The following OTOF variants were observed in gnomAD, a reference collection of about 807,000 sequenced individuals.
OTOF encodes fer-1-like family member 2.
OTOF carries 218 observed loss-of-function variants against 236.8 expected under a neutral mutation model. That is an observed-to-expected ratio of 0.92 (90% CI 0.82 to 1.03). The LOEUF (loss-of-function observed/expected upper bound fraction) is 1.03, where lower values mean the gene tolerates loss of function less well. Ranked by LOEUF, OTOF falls within the 50% of genes least tolerant of loss-of-function variation. OTOF has a pLI of 0.00. For synonymous variants in OTOF, 1,041 were observed against 1,072.5 expected, an observed-to-expected ratio of 0.97 and a Z score of 0.57; for missense variants, 2,590 against 2,694.4, an observed-to-expected ratio of 0.96 and a Z score of 0.86.
chr2:26,551,886 G>A (rs757843894), intron 1 of OTOF, among the ~76,000 whole-genome samples: 1 of 152,068 alleles, frequency 6.6e-6, no homozygotes, highest in African/African-American at 2.4e-5. Context: ...TTTTATAACT[G>A]TGTACTGAAT....
chr2:26,528,025 C>T (rs1194100930), intron 2 of OTOF, 105 bp from the exon 3 acceptor site: 1 of 822,062 alleles, frequency 1.2e-6, no homozygotes, highest in Non-Finnish European at 2.1e-6. Context: ...CAGAGTGGCC[C>T]CTCACTTGGG....
Position 26,460,010 on chromosome 2 carries a change from A to T in OTOF, c.*15T>A. ...GGAAGAAGTAAGAAATATCAGACCC[A>T]GGAGGCCACTGGGCTCAGGCCCCGA... On this transcript the variant is annotated splice_region_variant and 3_prime_UTR_variant, in exon 46 of 47. Transcript: ENST00000272371. This position sits in a 1 kb window ranked among gnomAD's most constrained non-coding sequence, Gnocchi z 5.3. 6.4e-7 allele frequency: 1 copy of T among 1,561,110 alleles called. No individual in the cohort carries two copies. The highest frequency in any genetic ancestry group is 8.7e-7 in the Non-Finnish European group (1 of 1,152,744).
At chr2:26,507,902 C>G (rs974471480) in intron 5 of OTOF, among the ~76,000 whole-genome samples, 2 of 152,216 alleles carry the variant, frequency 1.3e-5, no homozygotes, top group South Asian at 4.1e-4. Context: ...CTGATGATTT[C>G]TCCGCTCATT....
chr2:26,542,039 TTC>T (rs1667222835), intron 1 of OTOF, among the ~76,000 whole-genome samples: 1 of 152,266 alleles, frequency 6.6e-6, no homozygotes, highest in Non-Finnish European at 1.5e-5. Flanking sequence ...ATATACCCAT[TTC>T]TCCTTTCACC....
chr2:26,481,463 C>T (rs2148057573), intron 14 of OTOF, among the ~76,000 whole-genome samples: 1 of 152,334 alleles, frequency 6.6e-6, no homozygotes, highest in Non-Finnish European at 1.5e-5. Flanking sequence ...GAAGCCTTCC[C>T]AATTCCTAGG....
intron 30 of OTOF, among the ~76,000 whole-genome samples, chr2:26,471,628 T>C (rs1664978737): frequency 6.6e-6 from 1 of 152,224 alleles, no homozygotes; most frequent in Non-Finnish European, 1.5e-5. Flanking sequence ...TCATAAGGAA[T>C]CATTACCTAT....
At chr2:26,547,402 A>T (rs11687996) in intron 1 of OTOF, among the ~76,000 whole-genome samples, 1 of 152,012 alleles carries the variant, frequency 6.6e-6, no homozygotes, top group Non-Finnish European at 1.5e-5. Flanking sequence ...ATCTGTGTTC[A>T]TGAGAGATAT....
At chr2:26,492,078 G>T (rs918112845) in intron 9 of OTOF, among the ~76,000 whole-genome samples, 8 of 152,270 alleles carry the variant, frequency 5.3e-5, no homozygotes, top group African/African-American at 1.4e-4. Context: ...AAAGGAATGT[G>T]GCATAGAAAG....
chr2:26,496,687 G>A (rs1029764325), intron 8 of OTOF, among the ~76,000 whole-genome samples: 12 of 152,088 alleles, frequency 7.9e-5, no homozygotes, highest in African/African-American at 2.9e-4. Flanking sequence ...ATTTGGAGGT[G>A]TCAGTTCCTG....
In OTOF at chr2:26,475,992, G is replaced by A; in HGVS notation, c.2913C>T (p.Ser971=). The A allele has an allele frequency of 6.2e-7, 1 of 1,612,708 alleles. No homozygotes were observed. The highest frequency in any genetic ancestry group is 8.5e-7 in the Non-Finnish European group (1 of 1,179,940). The change falls in exon 24 of 47, where the codon AGC becomes AGT. Residue 971 remains serine, a synonymous_variant. Coordinates refer to ENST00000272371, the MANE Select transcript of OTOF (RefSeq NM_194248.3). ...GTCCGCTGCTGTCGGCGGCAAAGAGGCTGCGGGCCTGGTACATGTGCGCTC... is the reference window on the plus strand; with the variant it reads ...GTCCGCTGCTGTCGGCGGCAAAGAGACTGCGGGCCTGGTACATGTGCGCTC... ...QLRAHMYQAR[S]LFAADSSGLS...
At position 26,502,314 on chromosome 2, in the gene OTOF, A is replaced by G. The variant is rs756502375; in HGVS notation, c.696T>C (p.Asn232=). ...SLASVTALTT[N]VSNKRSKPDI... Reference sequence around the variant, plus strand: ...CGTCCACTCACCGCTTGTTGGAGACATTAGTGGTGAGAGCTGTGACTGAGG... The same window carrying G: ...CGTCCACTCACCGCTTGTTGGAGACGTTAGTGGTGAGAGCTGTGACTGAGG... The change falls in exon 7 of 47, where the codon AAT becomes AAC. Residue 232 remains asparagine (N), a synonymous_variant. Transcript: ENST00000272371. The G allele has an allele frequency of 1.9e-6, 3 of 1,614,100 alleles. No homozygotes were observed. Among genetic ancestry groups the G allele is most frequent in the Non-Finnish European group, 2.5e-6 (3 of 1,180,010 alleles).
At position 26,546,931 on chromosome 2, in the gene OTOF, A is replaced by G. The variant is rs75004437; in HGVS notation, c.80-9157T>C. Among the ~76,000 whole-genome samples the G allele has an allele frequency of 9.8e-5, 15 of 152,308 alleles. No individual in the cohort carries two copies. In the East Asian group the frequency reaches 2.7e-3, roughly 27 times the overall value. ...TTCCTTAGGATTTTCTACATAACCA[A>G]TCAGGTTTTCTGTGAATAAAGATAG... On this transcript the variant is annotated intron_variant, in intron 1 of 46. Transcript: ENST00000272371.
At chr2:26,550,330 A>G (rs931905227) in intron 1 of OTOF, among the ~76,000 whole-genome samples, 7 of 152,002 alleles carry the variant, frequency 4.6e-5, no homozygotes, top group Non-Finnish European at 8.8e-5. Flanking sequence ...GAAATGGATC[A>G]CTGTCTGGTG....
chr2:26,458,243 CGGT>C, intron 46 of OTOF, 23 bp from the exon 47 acceptor site: 1 of 1,557,880 alleles, frequency 6.4e-7, no homozygotes, highest in Non-Finnish European at 8.7e-7. Context: ...AGAGAGGAGC[CGGT>C]CAGCCAGTGG....
At chr2:26,498,440 A>C (rs1159051699) in intron 8 of OTOF, among the ~76,000 whole-genome samples, 1 of 152,184 alleles carries the variant, frequency 6.6e-6, no homozygotes, top group Non-Finnish European at 1.5e-5. Context: ...GGCTCTAGGA[A>C]GGGGAAATGA....
At position 26,526,791 on chromosome 2, in the gene OTOF, G is replaced by A. The variant is rs1179217785; in HGVS notation, c.227+1041C>T. 2.6e-5 allele frequency among the ~76,000 whole-genome samples: 4 copies of A among 152,188 alleles called. No individual in the cohort carries two copies. In the East Asian group the frequency reaches 7.7e-4, roughly 29 times the overall value. ...TTGAGTCATTCTGAGTCCTCAGTGA[G>A]CTAACACCTCCATACCTTCTTGGAC... On this transcript the variant is annotated intron_variant, in intron 3 of 46. Transcript: ENST00000272371.
intron 2 of OTOF, among the ~76,000 whole-genome samples, chr2:26,532,236 GT>G (rs1666968040): frequency 6.6e-6 from 1 of 152,082 alleles, no homozygotes; most frequent in Non-Finnish European, 1.5e-5. Flanking sequence ...CCTTTTACAA[GT>G]GGGAAAGTGG....
At chr2:26,532,655 G>A (rs1030032599) in intron 2 of OTOF, among the ~76,000 whole-genome samples, 7 of 152,146 alleles carry the variant, frequency 4.6e-5, no homozygotes, top group African/African-American at 1.7e-4. Flanking sequence ...AGATAGGGAG[G>A]GAAAGAGGGC....
chr2:26,484,612 C>T lies in OTOF; in HGVS notation c.1067G>A (p.Trp356Ter). 1 of 1,613,874 alleles carries T rather than the reference C, an allele frequency of 6.2e-7. No individual in the cohort carries two copies. Among genetic ancestry groups the T allele is most frequent in the Non-Finnish European group, 8.5e-7 (1 of 1,180,010 alleles). The change falls in exon 12 of 47, where the codon TGG (tryptophan) becomes TAG (stop). Residue 356 changes from tryptophan (W) to a stop codon, truncating the protein, a stop_gained. Transcript: ENST00000272371. LOFTEE classifies it high-confidence loss of function. ...SQPEHQFHHKWAILSDPDDIS... is the reference protein window; with the variant it reads ...SQPEHQFHHK ...GTCATCGGGGTCAGACAGGATGGCC[C>T]ACTTGTGATGGAACTGGTGCTCTGC...
Sources: gnomAD v4.1 joint callset for allele counts (sites outside exome capture counted in the v4.1 genomes callset) on GRCh38, gnomAD v4.1.1 for gene constraint, Gnocchi (gnomAD v3.1) non-coding constraint, MANE v1.5 for transcripts, NCBI Gene and HGNC (gene_info 2026-07-23, HGNC 2026-07-21) for gene names.